The following TMEM221 variants were observed in gnomAD, a reference collection of about 807,000 sequenced individuals.
TMEM221 encodes the protein transmembrane protein 221, also known as Putative transmembrane protein ENSP00000342162.
Under a neutral mutation model 10.2 loss-of-function variants are expected in TMEM221, and 11 were observed. That is an observed-to-expected ratio of 1.08 (90% CI 0.68 to 1.79). The LOEUF is 1.79. Ranked by LOEUF, TMEM221 falls within the 40% of genes most tolerant of loss-of-function variation. The pLI, the probability that TMEM221 is intolerant of heterozygous loss-of-function variation, is 0.00. For missense variants in TMEM221, 382 were observed against 417.7 expected, an observed-to-expected ratio of 0.91 and a Z score of 0.75; for synonymous variants, 172 against 199.8, an observed-to-expected ratio of 0.86 and a Z score of 1.18.
chr19:17,440,222 ATTTTTTT>A (rs71162130), intron 2 of TMEM221, among the ~76,000 whole-genome samples: 2 of 96,426 alleles, frequency 2.1e-5, no homozygotes, highest in African/African-American at 7.8e-5. Context: ...TTAAAATGGT[ATTTTTTT>A]TTTTTTTTTT....
rs964490194 is a variant in TMEM221 at position 17,436,697 on chromosome 19, C to T, written c.637G>A (p.Gly213Ser). Residue 213 changes from glycine to serine, a missense_variant, in exon 3 of 3, where the codon GGT (glycine) becomes AGT (serine). By Grantham distance (56) the Gly-to-Ser change is moderately conservative. Transcript: ENST00000341130. ...GAATAGGGGGTCCGACGATGGATAC[C>T]CTGCTGAGGCTGAGCTCTGGGGCTG... ...KASPRAQPQQ[G>S]IHRRTPYSTC... is the part of the protein sequence containing the mutation. 6.5e-7 allele frequency: 1 copy of T among 1,533,928 alleles called. No homozygotes were observed. Among genetic ancestry groups the T allele is most frequent in the Admixed American group, 2.0e-5 (1 of 50,872 alleles).
intron 2 of TMEM221, among the ~76,000 whole-genome samples, chr19:17,444,104 G>A (rs1450086132): frequency 4.7e-5 from 6 of 126,522 alleles, no homozygotes; most frequent in East Asian, 2.2e-4. Context: ...TTTTTGAGAC[G>A]GGGTTTTGCC....
At chr19:17,441,603 A>C (rs1243793295) in intron 2 of TMEM221, among the ~76,000 whole-genome samples, 1 of 152,176 alleles carries the variant, frequency 6.6e-6, no homozygotes, top group East Asian at 1.9e-4. Context: ...TACATGGCCC[A>C]AGCTCAGCCT....
At chr19:17,439,761 A>C (rs1056159421) in intron 2 of TMEM221, among the ~76,000 whole-genome samples, 6 of 151,796 alleles carry the variant, frequency 4.0e-5, no homozygotes, top group Non-Finnish European at 8.8e-5. Flanking sequence ...TCCAGGGATG[A>C]GGAAGGGGCA....
intron 2 of TMEM221, among the ~76,000 whole-genome samples, chr19:17,437,412 T>C (rs968461534): frequency 6.6e-6 from 1 of 151,880 alleles, no homozygotes; most frequent in African/African-American, 2.4e-5. Context: ...CACCCAAGAG[T>C]GTCCGAGGCT....
At position 17,436,279 on chromosome 19, in the gene TMEM221, A is replaced by C; in HGVS notation, c.*179T>G. The stretch of plus-strand genomic sequence containing the variant: ...TGGCCTCTGACTTTCCCTCAGAATG[A>C]GGAGGTGAAGGCTGGAGCTCTGGCA... On this transcript the variant is annotated 3_prime_UTR_variant, in exon 3 of 3. Transcript: ENST00000341130. 1.7e-6 allele frequency: 1 copy of C among 604,062 alleles called. No homozygotes were observed. The highest frequency in any genetic ancestry group is 2.8e-6 in the Non-Finnish European group (1 of 361,222). 37.4% of individuals were successfully genotyped at this position (604,062 alleles called of 1,614,324 possible). A position where few individuals can be genotyped will look rare whatever the true frequency, so the allele number is the denominator to read the frequency against.
In TMEM221 at chr19:17,448,158, C is replaced by A; in HGVS notation, c.305G>T (p.Gly102Val). 2 of 1,421,366 alleles carry A rather than the reference C, an allele frequency of 1.4e-6. No individual in the cohort carries two copies. The highest frequency in any genetic ancestry group is 1.8e-6 in the Non-Finnish European group (2 of 1,090,550). The allele number at this position is 1,421,366 out of a possible 1,614,324, so 88.0% of individuals were successfully genotyped here. Reference sequence around the variant, plus strand: ...GTCCTCCTACCTCCTGGGGCCAGGCCCCCGCGCCAGCTCGGCGCCCAGGTG... The same window carrying A: ...GTCCTCCTACCTCCTGGGGCCAGGCACCCGCGCCAGCTCGGCGCCCAGGTG... The part of the protein sequence containing the change: ...CGHLGAELAR[G>V]PGPRRSDWFL... The change falls in exon 1 of 3, where the codon GGG becomes GTG. Residue 102 changes from glycine (G) to valine (V), a missense_variant. Physicochemically the swap from Gly to Val is moderately radical, Grantham distance 109 (BLOSUM62 -3). Transcript: ENST00000341130. The surrounding 1 kb of genome is among the most constrained non-coding windows in gnomAD (Gnocchi z 4.7).
chr19:17,444,795 A>T (rs531486023), intron 2 of TMEM221: 6 of 93,766 alleles, frequency 6.4e-5, no homozygotes, highest in African/African-American at 2.0e-4. Flanking sequence ...ATAAATATAT[A>T]TTATATATAT....
intron 2 of TMEM221, among the ~76,000 whole-genome samples, chr19:17,442,532 C>T (rs1385026148): frequency 6.6e-6 from 1 of 151,562 alleles, no homozygotes; most frequent in African/African-American, 2.4e-5. Context: ...CTCTGCCTCC[C>T]AGGTTCAAAC....
At position 17,444,796 on chromosome 19, in the gene TMEM221, T is replaced by TAA. The variant is rs1555738589; in HGVS notation, c.406+402_406+403insTT. ...TATTTATATATTTAATAAATATATA[T>TAA]TATATATATATATAGTTTTTTTTTT... On this transcript the variant is annotated intron_variant, in intron 2 of 2. Coordinates refer to ENST00000341130, the MANE Select transcript of TMEM221 (RefSeq NM_001190844.2). 2.4e-3 allele frequency: 315 copies of TAA among 129,408 alleles called. 1 individual carries two copies. Among genetic ancestry groups the TAA allele is most frequent in the African/African-American group, 8.6e-3 (303 of 35,224 alleles). 8.0% of individuals were successfully genotyped at this position (129,408 alleles called of 1,614,324 possible). A position where few individuals can be genotyped will look rare whatever the true frequency, so the allele number is the denominator to read the frequency against.
At chr19:17,442,344 G>A (rs538305919) in intron 2 of TMEM221, among the ~76,000 whole-genome samples, 1 of 151,618 alleles carries the variant, frequency 6.6e-6, no homozygotes, top group Admixed American at 6.6e-5. Context: ...TGCAACCTCC[G>A]CCCCCTGGGT....
At position 17,446,038 on chromosome 19, in the gene TMEM221, C is replaced by T. The variant is rs184712057; in HGVS notation, c.321-754G>A. ...TCATATTCATTGATTATTTGACCAG[C>T]ACTCATATACAGCCTTCCATCCATT... On this transcript the variant is annotated intron_variant, in intron 1 of 2. Coordinates refer to ENST00000341130, the MANE Select transcript of TMEM221 (RefSeq NM_001190844.2). Among the ~76,000 whole-genome samples the T allele has an allele frequency of 1.6e-3, 250 of 152,208 alleles. 2 individuals carry two copies. Among genetic ancestry groups the T allele is most frequent in the Non-Finnish European group, 2.7e-3 (183 of 68,008 alleles).
At chr19:17,439,138 C>T (rs62125238) in intron 2 of TMEM221, among the ~76,000 whole-genome samples, 21,667 of 146,198 alleles carry the variant, frequency 0.15, 1,565 homozygotes, top group Non-Finnish European at 0.16. Flanking sequence ...ACCTGGGAGG[C>T]GGAGCTTGCA....
At chr19:17,443,144 G>A (rs1182284691) in intron 2 of TMEM221, among the ~76,000 whole-genome samples, 1 of 151,892 alleles carries the variant, frequency 6.6e-6, no homozygotes, top group Non-Finnish European at 1.5e-5. Context: ...AGCTGGGCGT[G>A]GTGGTGGGCA....
rs2074962860 is a variant in TMEM221 at position 17,448,583 on chromosome 19, G to T, written c.-121C>A. The stretch of plus-strand genomic sequence containing the variant: ...CCCCGAGGGGGCGGGGCCGCAGGGA[G>T]TGTCTGAAAGTTCGGGGACTGGGCT... On this transcript the variant is annotated 5_prime_UTR_variant, in exon 1 of 3. Coordinates refer to ENST00000341130, the MANE Select transcript of TMEM221 (RefSeq NM_001190844.2). The surrounding 1 kb of genome is among the most constrained non-coding windows in gnomAD (Gnocchi z 4.7). The T allele has an allele frequency of 1.4e-6, 1 of 701,274 alleles. No individual in the cohort carries two copies. The highest frequency in any genetic ancestry group is 2.0e-6 in the Non-Finnish European group (1 of 498,312). The allele number at this position is 701,274 out of a possible 1,614,324, so 43.4% of individuals were successfully genotyped here.
rs866709705 is a variant in TMEM221, at chr19:17,436,792, C to T, written c.542G>A (p.Arg181His). ...TLLRAARAAR[R>H]GLHELSPPSF... ...TGGCGGGGACAACTCATGGAGCCCA[C>T]GGCGGGCAGCCCGGGCAGCCCGGAG... is the stretch of plus-strand genomic sequence containing the variant. The change falls in exon 3 of 3, where the codon CGT becomes CAT. Residue 181 changes from arginine to histidine, a missense_variant. Transcript: ENST00000341130. The T allele has an allele frequency of 5.3e-5, 81 of 1,515,856 alleles. No homozygotes were observed. Among genetic ancestry groups the T allele is most frequent in the African/African-American group, 1.8e-4 (13 of 72,734 alleles). The allele number at this position is 1,515,856 out of a possible 1,614,324, so 93.9% of individuals were successfully genotyped here.
chr19:17,442,580 C>G (rs762701300), intron 2 of TMEM221, among the ~76,000 whole-genome samples: 1 of 151,768 alleles, frequency 6.6e-6, no homozygotes, highest in Non-Finnish European at 1.5e-5. Context: ...GCTGGGATTA[C>G]AGGGGTATGC....
rs374313918 is a variant in TMEM221, at chr19:17,436,284, G to T, written c.*174C>A. 1.8e-5 allele frequency: 11 copies of T among 626,418 alleles called. No individual in the cohort carries two copies. Among genetic ancestry groups the T allele is most frequent in the Middle Eastern group, 4.3e-4 (1 of 2,338 alleles). The allele number at this position is 626,418 out of a possible 1,614,324, so 38.8% of individuals were successfully genotyped here. On this transcript the variant is annotated 3_prime_UTR_variant, in exon 3 of 3. Transcript: ENST00000341130. ...TCTGACTTTCCCTCAGAATGAGGAG[G>T]TGAAGGCTGGAGCTCTGGCAATTAT... is the stretch of plus-strand genomic sequence containing the variant.
rs1250342502 is a variant in TMEM221 at position 17,437,722 on chromosome 19, A to G, written c.407-795T>C. On this transcript the variant is annotated intron_variant, in intron 2 of 2. Transcript: ENST00000341130. ...CAGCCTGGGTGACAGAGTGAGACTC[A>G]GTCTGAACAAAAAGAAAAGAAAAAA... 2.0e-5 allele frequency among the ~76,000 whole-genome samples: 3 copies of G among 152,152 alleles called. No individual in the cohort carries two copies. The South Asian group carries it at 6.2e-4, about 32-fold the overall frequency.
Sources: allele counts gnomAD v4.1 joint callset (sites outside exome capture counted in the v4.1 genomes callset), GRCh38; gene constraint gnomAD v4.1.1; non-coding constraint Gnocchi (gnomAD v3.1); transcripts MANE v1.5; gene names NCBI Gene and HGNC (gene_info 2026-07-23, HGNC 2026-07-21).